CDKAL1: variants seen among roughly 807,000 people sequenced by gnomAD.
CDKAL1 encodes the protein CDKAL1 threonylcarbamoyladenosine tRNA methylthiotransferase.
A neutral mutation model predicts 68.2 loss-of-function variants in CDKAL1; 32 were observed. That is an observed-to-expected ratio of 0.47 (90% CI 0.35 to 0.63). CDKAL1 has a LOEUF of 0.63. CDKAL1 is among the 30% of genes least tolerant of loss of function. The probability of loss-of-function intolerance (pLI) is 0.00; values close to 1 mark genes in which losing one functional copy is unlikely to be tolerated. For synonymous variants in CDKAL1, 234 were observed against 244.3 expected, an observed-to-expected ratio of 0.96 and a Z score of 0.39; for missense variants, 606 against 696.7, an observed-to-expected ratio of 0.87 and a Z score of 1.47.
At chr6:21,082,114 A>G (rs1376045805) in intron 12 of CDKAL1, among the ~76,000 whole-genome samples, 4 of 152,218 alleles carry the variant, frequency 2.6e-5, no homozygotes, top group African/African-American at 9.6e-5. Flanking sequence ...CAATATAATC[A>G]AATATGAGCA....
intron 13 of CDKAL1, among the ~76,000 whole-genome samples, chr6:21,119,205 A>T (rs1774579075): frequency 6.6e-6 from 1 of 152,114 alleles, no homozygotes; most frequent in Non-Finnish European, 1.5e-5. Flanking sequence ...AGAAAGTATG[A>T]ATCAATGAAA....
intron 5 of CDKAL1, among the ~76,000 whole-genome samples, chr6:20,673,671 T>A (rs930732870): frequency 6.6e-6 from 1 of 152,170 alleles, no homozygotes; most frequent in African/African-American, 2.4e-5. Context: ...GTCTTTACCC[T>A]GCTGTTCTCA....
At chr6:21,129,705 A>AAG (rs1775198269) in intron 13 of CDKAL1, among the ~76,000 whole-genome samples, 1 of 148,818 alleles carries the variant, frequency 6.7e-6, no homozygotes, top group East Asian at 2.0e-4. Flanking sequence ...AAAAAAAAAA[A>AAG]GGAAAAAATG....
chr6:20,693,116 C>T lies in CDKAL1; in HGVS notation c.371+43739C>T, dbSNP rs143280154. ...CTGCACTCCAGCCTGGGCAACAAAGCGAGACTCTGTCTCAAAAAAAAAAAA... is the reference window on the plus strand; with the variant it reads ...CTGCACTCCAGCCTGGGCAACAAAGTGAGACTCTGTCTCAAAAAAAAAAAA... On this transcript the variant is annotated intron_variant, in intron 5 of 15. Transcript: ENST00000274695. 9.8e-3 allele frequency among the ~76,000 whole-genome samples: 1,127 copies of T among 115,550 alleles called. 15 individuals carry two copies. The highest frequency in any genetic ancestry group is 0.037 in the African/African-American group (1,070 of 28,678). 75.8% of individuals were successfully genotyped at this position (115,550 alleles called of 152,430 possible).
intron 15 of CDKAL1, among the ~76,000 whole-genome samples, chr6:21,213,896 T>A (rs1463565778): frequency 6.6e-6 from 1 of 152,162 alleles, no homozygotes; most frequent in Non-Finnish European, 1.5e-5. Flanking sequence ...CCAGCATTAT[T>A]CATAAATAAC....
chr6:20,548,445 A>T, intron 3 of CDKAL1, 148 bp from the exon 4 acceptor site: 1 of 606,442 alleles, frequency 1.6e-6, no homozygotes, highest in South Asian at 2.0e-5. Context: ...AGATGGGAGG[A>T]TCCCTTAGGC....
In CDKAL1 at chr6:21,201,206, G is replaced by C. The variant is rs755348667; in HGVS notation, c.1480G>C (p.Asp494His). 5 of 1,614,012 alleles carry C rather than the reference G, an allele frequency of 3.1e-6. No homozygotes were observed. The highest frequency in any genetic ancestry group is 4.2e-6 in the Non-Finnish European group (5 of 1,179,884). ...TTTTATGAAAGGGCAGCCAGTATCT[G>C]ATGCCAAAGTGTACACGCCCTCCAT... Reference protein sequence around the residue: ...KHFMKGQPVSDAKVYTPSISK... With the variant: ...KHFMKGQPVSHAKVYTPSISK... Residue 494 changes from aspartate (D) to histidine (H), a missense_variant, in exon 15 of 16, where the codon GAT becomes CAT. Asp to His is a moderately conservative substitution (Grantham distance 81). Transcript: ENST00000274695.
intron 11 of CDKAL1, among the ~76,000 whole-genome samples, chr6:21,029,935 T>C (rs902921782): frequency 1.3e-5 from 2 of 152,072 alleles, no homozygotes; most frequent in Non-Finnish European, 2.9e-5. Context: ...TCCTTAAGGA[T>C]CTAGAATCTT....
chr6:21,192,303 G>A (rs1035490148), intron 13 of CDKAL1, among the ~76,000 whole-genome samples: 7 of 150,830 alleles, frequency 4.6e-5, no homozygotes, highest in African/African-American at 9.8e-5. Flanking sequence ...TTACAGGCGT[G>A]AGCCACCGCG....
chr6:20,924,198 TTGAG>T (rs376841061), intron 9 of CDKAL1, among the ~76,000 whole-genome samples: 27 of 147,524 alleles, frequency 1.8e-4, no homozygotes, highest in African/African-American at 4.8e-4. Context: ...TGAAGAAAGT[TTGAG>T]TGGTCTAGAT....
rs181466997 is a variant in CDKAL1 at position 20,739,042 on chromosome 6, G to T, written c.372-477G>T. Among the ~76,000 whole-genome samples the T allele has an allele frequency of 5.3e-5, 8 of 152,218 alleles. No homozygotes were observed. In the East Asian group the frequency reaches 1.5e-3, roughly 29 times the overall value. On this transcript the variant is annotated intron_variant, in intron 5 of 15. Transcript: ENST00000274695. Reference sequence around the variant, plus strand: ...GAGGAGATGGGGGAATTACTAGCACGTAGGGTATTATACCTTTTATTTACT... The same window carrying T: ...GAGGAGATGGGGGAATTACTAGCACTTAGGGTATTATACCTTTTATTTACT...
chr6:20,794,445 C>A (rs976647054), intron 8 of CDKAL1, among the ~76,000 whole-genome samples: 3 of 152,086 alleles, frequency 2.0e-5, no homozygotes, highest in African/African-American at 7.2e-5. Context: ...TGAGAATGAT[C>A]TGAAGACTTT....
intron 8 of CDKAL1, among the ~76,000 whole-genome samples, chr6:20,790,673 A>G (rs1322762308): frequency 6.6e-6 from 1 of 152,182 alleles, no homozygotes; most frequent in Admixed American, 6.5e-5. Context: ...TCCCACATCC[A>G]AGAAGCATGA....
chr6:21,114,316 A>G (rs1167899632), intron 13 of CDKAL1, among the ~76,000 whole-genome samples: 3 of 151,906 alleles, frequency 2.0e-5, no homozygotes, highest in African/African-American at 4.8e-5. Flanking sequence ...TAAGGGACCA[A>G]AAAAAATGTG....
chr6:21,034,966 A>G (rs1252915565), intron 11 of CDKAL1, among the ~76,000 whole-genome samples: 1 of 152,182 alleles, frequency 6.6e-6, no homozygotes, highest in Non-Finnish European at 1.5e-5. Flanking sequence ...TTTAATCTAT[A>G]AAGTTTACAC....
intron 9 of CDKAL1, among the ~76,000 whole-genome samples, chr6:20,869,666 C>G (rs1372066433): frequency 6.6e-6 from 1 of 152,090 alleles, no homozygotes; most frequent in African/African-American, 2.4e-5. Context: ...ATTCTTAAAA[C>G]TTGCCAAATT....
intron 13 of CDKAL1, among the ~76,000 whole-genome samples, chr6:21,185,351 A>G (rs1562099708): frequency 6.6e-6 from 1 of 152,154 alleles, no homozygotes; most frequent in Admixed American, 6.5e-5. Flanking sequence ...TTCCCATTCA[A>G]TCCTTCCACC....
chr6:20,726,804 A>G (rs1271903945), intron 5 of CDKAL1, among the ~76,000 whole-genome samples: 1 of 152,178 alleles, frequency 6.6e-6, no homozygotes. Flanking sequence ...TTATGAGGAG[A>G]GCTGAGTACA....
At chr6:21,173,969 C>A (rs896128254) in intron 13 of CDKAL1, among the ~76,000 whole-genome samples, 3 of 152,038 alleles carry the variant, frequency 2.0e-5, no homozygotes, top group Non-Finnish European at 2.9e-5. Context: ...CTACGGAAGG[C>A]TGAGGCAGGA....
Sources: gnomAD v4.1 joint callset for allele counts (sites outside exome capture counted in the v4.1 genomes callset) on GRCh38, gnomAD v4.1.1 for gene constraint, MANE v1.5 for transcripts, NCBI Gene and HGNC (gene_info 2026-07-23, HGNC 2026-07-21) for gene names.